The following WDR36 variants were observed in gnomAD, a reference collection of about 807,000 sequenced individuals.
WDR36 encodes WD repeat domain 36.
A neutral mutation model predicts 112.7 loss-of-function variants in WDR36; 63 were observed. That is an observed-to-expected ratio of 0.56 (90% confidence interval 0.46 to 0.69). The LOEUF (loss-of-function observed/expected upper bound fraction) is 0.69. WDR36 is among the 30% of genes least tolerant of loss of function. The pLI is 0.00. For synonymous variants in WDR36, 410 were observed against 362.2 expected (o/e 1.13, Z -1.50); for missense variants, 1,226 against 1,070.3 (o/e 1.15, Z -2.03).
At chr5:111,100,536 TA>T in intron 4 of WDR36, 52 bp from the exon 5 acceptor site, 1 of 1,244,500 alleles carries the variant, frequency 8.0e-7, no homozygotes, top group Non-Finnish European at 1.1e-6. Flanking sequence ...TATGGTTACA[TA>T]AAACATTTTA....
intron 10 of WDR36, 29 bp from the exon 11 acceptor site, chr5:111,106,028 A>G: frequency 8.6e-6 from 13 of 1,514,506 alleles, no homozygotes; most frequent in Non-Finnish European, 1.2e-5. Context: ...ATTCATAGCT[A>G]TGTATGTTCC....
chr5:111,120,962 A>G (rs1561709718), intron 18 of WDR36, 34 bp from the exon 19 acceptor site: 1 of 1,577,228 alleles, frequency 6.3e-7, no homozygotes, highest in East Asian at 2.2e-5. Context: ...TATATGATAA[A>G]AATCTTTTGT....
At chr5:111,111,004 C>G in intron 14 of WDR36, 51 bp downstream of exon 14, 1 of 1,598,384 alleles carries the variant, frequency 6.3e-7, no homozygotes, top group Middle Eastern at 1.7e-4. Context: ...TGGTAAAAGT[C>G]ATAAAGTCAC....
rs1753184442 is a variant in WDR36, at chr5:111,104,459, A to G, written c.906+107A>G. The G allele has an allele frequency of 5.3e-5, 79 of 1,487,508 alleles. 2 individuals carry two copies. The South Asian group carries it at 8.9e-4, about 17-fold the overall frequency. The allele number at this position is 1,487,508 out of a possible 1,614,324, so 92.1% of individuals were successfully genotyped here. ...TTTCAACCTAGAAGATGAAAGGAATATGGAATGAGATATTGGTATAGATGA... is the reference window on the plus strand; with the variant it reads ...TTTCAACCTAGAAGATGAAAGGAATGTGGAATGAGATATTGGTATAGATGA... On this transcript the variant is annotated intron_variant, in intron 8 of 22. Coordinates refer to ENST00000513710, the MANE Select transcript of WDR36 (RefSeq NM_139281.3).
In WDR36 at chr5:111,120,567, T is replaced by C. The variant is rs1406033088; in HGVS notation, c.1976T>C (p.Met659Thr). The C allele has an allele frequency of 5.0e-6, 8 of 1,612,680 alleles. No individual in the cohort carries two copies. In the South Asian group the frequency reaches 6.6e-5, roughly 13 times the overall value. The change falls in exon 18 of 23, where the codon ATG becomes ACG. Residue 659 changes from methionine to threonine, a missense_variant. Coordinates refer to ENST00000513710, the MANE Select transcript of WDR36 (RefSeq NM_139281.3). ...LPADYVPSIV[M>T]LPGTCQTQDV... ...GCAGATTATGTCCCTTCAATAGTCA[T>C]GCTTCCTGGTACTTGTCAAACCCAA...
intron 2 of WDR36, 66 bp downstream of exon 2, chr5:111,095,013 G>T: frequency 7.0e-7 from 1 of 1,424,144 alleles, no homozygotes; most frequent in Non-Finnish European, 9.7e-7. Flanking sequence ...ACATAAATGT[G>T]AGACTTACAG....
Position 111,128,008 on chromosome 5 carries a change from C to A in WDR36, c.*1125C>A, listed in dbSNP as rs74930461. The stretch of plus-strand genomic sequence containing the variant: ...AAATGCTGAGTATACTTTTCTTTCA[C>A]AACCATTGCAAACCCAGGTAGCCCT... On this transcript the variant is annotated 3_prime_UTR_variant, in exon 23 of 23. Transcript: ENST00000513710. 5.6e-4 allele frequency: 108 copies of A among 194,436 alleles called. No individual in the cohort carries two copies. Among genetic ancestry groups the A allele is most frequent in the Non-Finnish European group, 9.1e-4 (86 of 94,820 alleles). The allele number at this position is 194,436 out of a possible 1,614,324, so 12.0% of individuals were successfully genotyped here. A position where few individuals can be genotyped will look rare whatever the true frequency, so the allele number is the denominator to read the frequency against.
intron 4 of WDR36, among the ~76,000 whole-genome samples, chr5:111,099,232 A>G (rs1753061431): frequency 6.6e-6 from 1 of 152,244 alleles, no homozygotes; most frequent in African/African-American, 2.4e-5. Flanking sequence ...GAAGGAAAAT[A>G]TACATCCATT....
Position 111,110,220 on chromosome 5 carries a change from C to T in WDR36, c.1358C>T (p.Ala453Val), listed in dbSNP as rs756716644. The change falls in exon 13 of 23, where the codon GCT (alanine) becomes GTT (valine). Residue 453 changes from alanine to valine, a missense_variant. By Grantham distance (64) the Ala-to-Val change is moderately conservative. Coordinates refer to ENST00000513710, the MANE Select transcript of WDR36 (RefSeq NM_139281.3). ...GATATAACTTCTTGTGGAAACTTTG[C>T]TGTAATTGGCCTCTCATCAGGAACT... is the stretch of plus-strand genomic sequence containing the variant. ...AVDITSCGNF[A>V]VIGLSSGTVD... 1.2e-6 allele frequency: 2 copies of T among 1,610,466 alleles called. No homozygotes were observed. Among genetic ancestry groups the T allele is most frequent in the South Asian group, 1.1e-5 (1 of 91,014 alleles).
chr5:111,126,753 C>T lies in WDR36; in HGVS notation c.2558C>T (p.Pro853Leu), dbSNP rs757034824. The T allele has an allele frequency of 1.2e-6, 2 of 1,613,680 alleles. No homozygotes were observed. Among genetic ancestry groups the T allele is most frequent in the South Asian group, 2.2e-5 (2 of 91,064 alleles). ...TTGCAGTTACACCTTAAAATGCTTC[C>T]TTCAGAGCCAGTACTCCTAGAAGAA... Reference protein sequence around the residue: ...LFLKLHLKMLPSEPVLLEEIT... With the variant: ...LFLKLHLKMLLSEPVLLEEIT... The change falls in exon 23 of 23, where the codon CCT becomes CTT. Residue 853 changes from proline (P) to leucine (L), a missense_variant. By Grantham distance (98) the Pro-to-Leu change is moderately conservative. Transcript: ENST00000513710.
Position 111,104,325 on chromosome 5 carries a change from C to G in WDR36, c.879C>G (p.Val293=). The G allele has an allele frequency of 6.2e-7, 1 of 1,611,972 alleles. No homozygotes were observed. Among genetic ancestry groups the G allele is most frequent in the Non-Finnish European group, 8.5e-7 (1 of 1,178,448 alleles). Residue 293 remains valine (V), a synonymous_variant, in exon 8 of 23, where the codon GTC becomes GTG. Transcript: ENST00000513710. ...TTCTCCATAGAGAGCCACTTCTTGT[C>G]ACAAATGGCGCTGACAATGCTCTTA... ...LTFLHREPLL[V]TNGADNALRI... is the part of the protein sequence containing the mutation.
Position 111,124,103 on chromosome 5 carries a change from TTAAGTC to T in WDR36, c.2269-1_2273del. 6.2e-7 allele frequency: 1 copy of T among 1,612,874 alleles called. No homozygotes were observed. Reference sequence around the variant, plus strand: ...TTGAATAATGTGTATTTGTTTTTGTTTAAGTCTAAAGTGGTAAATCTTGGAGTTTTG... The same window carrying T: ...TTGAATAATGTGTATTTGTTTTTGTTTAAAGTGGTAAATCTTGGAGTTTTG... On this transcript the variant is annotated splice_acceptor_variant and splice_polypyrimidine_tract_variant and coding_sequence_variant and intron_variant, in exon 21 of 23. Coordinates refer to ENST00000513710, the MANE Select transcript of WDR36 (RefSeq NM_139281.3). LOFTEE classifies it high-confidence loss of function.
chr5:111,120,251 A>C (rs1333158339), intron 17 of WDR36, among the ~76,000 whole-genome samples: 1 of 152,128 alleles, frequency 6.6e-6, no homozygotes. Context: ...ATTATTATCT[A>C]CTACTGGTCT....
rs1753702570 is a variant in WDR36 at position 111,127,770 on chromosome 5, C to A, written c.*887C>A. On this transcript the variant is annotated 3_prime_UTR_variant, in exon 23 of 23. Transcript: ENST00000513710. Reference sequence around the variant, plus strand: ...ATTGGAAGATGGCCTTTTACTGACACTGCAGACATGTAGATAACAATAGTT... The same window carrying A: ...ATTGGAAGATGGCCTTTTACTGACAATGCAGACATGTAGATAACAATAGTT... 4.7e-6 allele frequency: 1 copy of A among 211,088 alleles called. No homozygotes were observed. The highest frequency in any genetic ancestry group is 9.6e-6 in the Non-Finnish European group (1 of 104,056). 13.1% of individuals were successfully genotyped at this position (211,088 alleles called of 1,614,324 possible).
chr5:111,126,786 A>G lies in WDR36; in HGVS notation c.2591A>G (p.Asn864Ser), dbSNP rs1348656117. ...SEPVLLEEIT[N>S]LSSQVEENWT... ...CCAGTACTCCTAGAAGAAATAACAA[A>G]TTTGTCATCCCAGGTGGAAGAAAAC... The change falls in exon 23 of 23, where the codon AAT (asparagine) becomes AGT (serine). Residue 864 changes from asparagine to serine, a missense_variant. Asn to Ser is a conservative substitution (Grantham distance 46). Coordinates refer to ENST00000513710, the MANE Select transcript of WDR36 (RefSeq NM_139281.3). 3 of 1,613,674 alleles carry G rather than the reference A, an allele frequency of 1.9e-6. No homozygotes were observed. In the African/African-American group the frequency reaches 4.0e-5, roughly 22 times the overall value.
At chr5:111,110,643 C>T in intron 13 of WDR36, 145 bp from the exon 14 acceptor site, 2 of 876,630 alleles carry the variant, frequency 2.3e-6, no homozygotes, top group Admixed American at 2.2e-5. Context: ...CTTCTTACAC[C>T]CCTAAAATCC....
At chr5:111,102,060 T>G (rs540853777) in intron 5 of WDR36, among the ~76,000 whole-genome samples, 2 of 151,678 alleles carry the variant, frequency 1.3e-5, no homozygotes, top group Admixed American at 1.3e-4. Context: ...TTTTTTTTAC[T>G]GTAGCCTGTA....
chr5:111,104,464 A>G (rs998559074), intron 8 of WDR36, 112 bp downstream of exon 8: 9 of 1,480,812 alleles, frequency 6.1e-6, no homozygotes, highest in Non-Finnish European at 8.5e-6. Flanking sequence ...GGAATATGGA[A>G]TGAGATATTG....
chr5:111,095,048 A>G, intron 2 of WDR36, 101 bp downstream of exon 2: 2 of 1,082,204 alleles, frequency 1.8e-6, no homozygotes, highest in Admixed American at 2.2e-5. Flanking sequence ...CCAAGGTAAC[A>G]TGTATGTCTT....
Sources: allele counts gnomAD v4.1 joint callset (sites outside exome capture counted in the v4.1 genomes callset), GRCh38; gene constraint gnomAD v4.1.1; transcripts MANE v1.5; gene names NCBI Gene and HGNC (gene_info 2026-07-23, HGNC 2026-07-21).